CDH22: variants seen among roughly 807,000 people sequenced by gnomAD.
The protein encoded by CDH22 is cadherin-22.
Under a neutral mutation model 58.4 loss-of-function variants are expected in CDH22, and 30 were observed. That is an observed-to-expected ratio of 0.51 (90% CI 0.38 to 0.70). The LOEUF (loss-of-function observed/expected upper bound fraction) is 0.70, where lower values mean the gene tolerates loss of function less well. CDH22 is among the 30% of genes least tolerant of loss of function. CDH22 has a pLI of 0.00. For synonymous variants in CDH22, 513 were observed against 558.2 expected (o/e 0.92, Z 1.14); for missense variants, 1,014 against 1,233.9 (o/e 0.82, Z 2.67).
intron 1 of CDH22, among the ~76,000 whole-genome samples, chr20:46,254,554 CAA>C (rs1257630029): frequency 0.1 from 6,576 of 63,790 alleles, 376 homozygotes; most frequent in African/African-American, 0.27. Flanking sequence ...AATTCCATCT[CAA>C]AAAAAAAAAA....
chr20:46,296,935 C>A (rs1343897788), intron 1 of CDH22, among the ~76,000 whole-genome samples: 5 of 152,338 alleles, frequency 3.3e-5, no homozygotes, highest in African/African-American at 7.2e-5. Flanking sequence ...CCCAGCCCAG[C>A]CCACTTGGGG....
intron 1 of CDH22, among the ~76,000 whole-genome samples, chr20:46,274,443 A>G (rs1401398871): frequency 3.3e-5 from 5 of 152,226 alleles, no homozygotes; most frequent in Admixed American, 1.3e-4. Flanking sequence ...TAATGAAACA[A>G]TTGGGCCCTT....
chr20:46,275,086 T>A (rs1231901497), intron 1 of CDH22, among the ~76,000 whole-genome samples: 1 of 152,204 alleles, frequency 6.6e-6, no homozygotes, highest in Non-Finnish European at 1.5e-5. Context: ...TTTTAGAGCA[T>A]GTAAATTATA....
At chr20:46,282,389 C>T (rs1024926029) in intron 1 of CDH22, among the ~76,000 whole-genome samples, 17 of 152,024 alleles carry the variant, frequency 1.1e-4, no homozygotes, top group Non-Finnish European at 8.8e-5. Flanking sequence ...GAAGGAGTCT[C>T]GCTTCCTTAT....
chr20:46,271,024 C>A (rs1468184896), intron 1 of CDH22, among the ~76,000 whole-genome samples: 1 of 152,172 alleles, frequency 6.6e-6, no homozygotes, highest in Non-Finnish European at 1.5e-5. Context: ...GAGTCAAGTG[C>A]TGTAACCAAG....
At position 46,222,814 on chromosome 20, in the gene CDH22, T is replaced by C. The variant is rs142067097; in HGVS notation, c.670+4694A>G. On this transcript the variant is annotated intron_variant, in intron 4 of 11. Transcript: ENST00000537909. ...ACACAAGTTAATTCCTCCTCTGGCA[T>C]TGGGGCCTCGCGGCGCCCCGCCTCC... is the stretch of plus-strand genomic sequence containing the variant. 1.7e-3 allele frequency among the ~76,000 whole-genome samples: 254 copies of C among 152,384 alleles called. 3 individuals carry two copies. The highest frequency in any genetic ancestry group is 9.4e-3 in the East Asian group (49 of 5,188).
chr20:46,250,669 C>G (rs2086364912), intron 2 of CDH22, among the ~76,000 whole-genome samples: 1 of 152,196 alleles, frequency 6.6e-6, no homozygotes, highest in African/African-American at 2.4e-5. Context: ...TGGATAGAAT[C>G]TGGGCTAGAC....
rs2086057520 is a variant in CDH22, at chr20:46,213,206, A to G, written c.839-18T>C. Reference sequence around the variant, plus strand: ...GTACATCTCTGTGGGGGACACGGCCATGAGCAGGGATGAAGGCAGCCCCTT... The same window carrying G: ...GTACATCTCTGTGGGGGACACGGCCGTGAGCAGGGATGAAGGCAGCCCCTT... On this transcript the variant is annotated intron_variant, in intron 5 of 11. Coordinates refer to ENST00000537909, the MANE Select transcript of CDH22 (RefSeq NM_021248.3). 6.2e-7 allele frequency: 1 copy of G among 1,611,064 alleles called. No homozygotes were observed. The highest frequency in any genetic ancestry group is 1.3e-5 in the African/African-American group (1 of 74,832).
chr20:46,205,021 G>A (rs570550940), intron 7 of CDH22, among the ~76,000 whole-genome samples: 2 of 151,960 alleles, frequency 1.3e-5, no homozygotes, highest in East Asian at 3.9e-4. Flanking sequence ...TGTGTGTGTC[G>A]GGGTGTAGTT....
At chr20:46,281,710 T>C (rs1410327770) in intron 1 of CDH22, among the ~76,000 whole-genome samples, 1 of 152,242 alleles carries the variant, frequency 6.6e-6, no homozygotes, top group East Asian at 1.9e-4. Context: ...TCTTTTTTCT[T>C]GTTTGTCACA....
At chr20:46,187,884 C>T (rs181473408) in intron 8 of CDH22, among the ~76,000 whole-genome samples, 164 of 152,248 alleles carry the variant, frequency 1.1e-3, no homozygotes, top group African/African-American at 3.8e-3. Flanking sequence ...GAAACTAAAA[C>T]GTGGGATGCT....
intron 1 of CDH22, among the ~76,000 whole-genome samples, chr20:46,273,041 A>C (rs1259234706): frequency 6.6e-6 from 1 of 152,144 alleles, no homozygotes; most frequent in Non-Finnish European, 1.5e-5. Context: ...CCAATCCATG[A>C]TTTAAGGCTG....
rs956829356 is a variant in CDH22 at position 46,251,590 on chromosome 20, C to G, written c.-296G>C. Reference sequence around the variant, plus strand: ...TGCGGATCACCAGGCAGCACCTGGACAGCTCCAGAGTCGGGGAAGCGCCAT... The same window carrying G: ...TGCGGATCACCAGGCAGCACCTGGAGAGCTCCAGAGTCGGGGAAGCGCCAT... On this transcript the variant is annotated 5_prime_UTR_variant, in exon 2 of 12. Transcript: ENST00000537909. The surrounding 1 kb of genome is among the most constrained non-coding windows in gnomAD (Gnocchi z 6.7). 4.1e-6 allele frequency: 1 copy of G among 246,648 alleles called. No homozygotes were observed. The highest frequency in any genetic ancestry group is 8.6e-5 in the East Asian group (1 of 11,694). The allele number at this position is 246,648 out of a possible 1,614,324, so 15.3% of individuals were successfully genotyped here.
chr20:46,293,297 T>C (rs2086613335), intron 1 of CDH22, among the ~76,000 whole-genome samples: 1 of 152,146 alleles, frequency 6.6e-6, no homozygotes, highest in African/African-American at 2.4e-5. Context: ...AATGCTTTTA[T>C]CCTCCATGAA....
intron 1 of CDH22, among the ~76,000 whole-genome samples, chr20:46,301,585 T>G (rs867656114): frequency 1.1e-4 from 17 of 151,316 alleles, no homozygotes; most frequent in Non-Finnish European, 2.5e-4. Flanking sequence ...CCAAGGAGGG[T>G]GGACCACCAG....
Position 46,308,385 on chromosome 20 carries a change from A to G in CDH22, c.-530T>C. On this transcript the variant is annotated 5_prime_UTR_variant, in exon 1 of 12. Transcript: ENST00000537909. The surrounding 1 kb of genome is among the most constrained non-coding windows in gnomAD (Gnocchi z 4.3). ...CCGCAGGAGCCGGAGGGAGAGCGGG[A>G]GCGAGAGGGGGAGCCGCGGCGGCGT... 5.1e-6 allele frequency: 1 copy of G among 197,036 alleles called. No homozygotes were observed. The allele number at this position is 197,036 out of a possible 1,614,324, so 12.2% of individuals were successfully genotyped here.
intron 3 of CDH22, among the ~76,000 whole-genome samples, chr20:46,238,482 T>C (rs2086269118): frequency 6.6e-6 from 1 of 152,126 alleles, no homozygotes; most frequent in Non-Finnish European, 1.5e-5. Flanking sequence ...TGAACCTGGA[T>C]ATTCAACTCT....
At chr20:46,254,676 A>C (rs1299346553) in intron 1 of CDH22, among the ~76,000 whole-genome samples, 1 of 152,116 alleles carries the variant, frequency 6.6e-6, no homozygotes, top group Non-Finnish European at 1.5e-5. Context: ...AAACATTGAG[A>C]AGAAAAGTAA....
chr20:46,243,161 G>A (rs894230765), intron 2 of CDH22, among the ~76,000 whole-genome samples: 1 of 152,186 alleles, frequency 6.6e-6, no homozygotes, highest in African/African-American at 2.4e-5. Context: ...CTAGGCAGGA[G>A]AACAGGTGCC....
Sources: gnomAD v4.1 joint callset for allele counts (sites outside exome capture counted in the v4.1 genomes callset) on GRCh38, gnomAD v4.1.1 for gene constraint, Gnocchi (gnomAD v3.1) non-coding constraint, MANE v1.5 for transcripts, NCBI Gene and HGNC (gene_info 2026-07-23, HGNC 2026-07-21) for gene names.